The following ZCCHC7 variants were observed in gnomAD, a reference collection of about 807,000 sequenced individuals.
ZCCHC7 encodes the protein zinc finger CCHC domain-containing protein 7.
Under a neutral mutation model 52.0 loss-of-function variants are expected in ZCCHC7, and 35 were observed. The ratio of observed to expected loss-of-function variants is 0.67; its 90% CI spans 0.51 to 0.89. ZCCHC7 has a LOEUF of 0.89. Among genes scored for constraint, ZCCHC7 ranks in the 40% least tolerant of loss-of-function variants. ZCCHC7 has a pLI of 0.00. For synonymous variants in ZCCHC7, 217 were observed against 221.5 expected (o/e 0.98, Z 0.18); for missense variants, 574 against 649.1 (o/e 0.88, Z 1.26).
intron 2 of ZCCHC7, among the ~76,000 whole-genome samples, chr9:37,190,652 G>A (rs1460755392): frequency 6.6e-6 from 1 of 152,154 alleles, no homozygotes; most frequent in African/African-American, 2.4e-5. Flanking sequence ...ATGTTAAAAC[G>A]TAAGAAACAA....
chr9:37,130,334 CTTTTTTTTTT>C (rs34589957), intron 2 of ZCCHC7, among the ~76,000 whole-genome samples: 639 of 63,132 alleles, frequency 0.01, 6 homozygotes, highest in African/African-American at 0.036. Context: ...GAATTCTCTC[CTTTTTTTTTT>C]TTTTTTTTTT....
chr9:37,121,429 A>G (rs1050823103), intron 1 of ZCCHC7, among the ~76,000 whole-genome samples: 1 of 152,168 alleles, frequency 6.6e-6, no homozygotes, highest in Non-Finnish European at 1.5e-5. Context: ...GTTCAATTTG[A>G]TGACTTTTCA....
At chr9:37,327,985 T>C (rs562363775) in intron 6 of ZCCHC7, 151 bp downstream of exon 6, 833 of 802,780 alleles carry the variant, frequency 1.0e-3, no homozygotes, top group Non-Finnish European at 1.5e-3. Context: ...AATACACTTT[T>C]TCTCTTTTCC....
intron 2 of ZCCHC7, among the ~76,000 whole-genome samples, chr9:37,185,152 T>C (rs1822582216): frequency 6.6e-6 from 1 of 152,196 alleles, no homozygotes; most frequent in South Asian, 2.1e-4. Context: ...CAACAGTCTC[T>C]AGAGGTCGTG....
intron 2 of ZCCHC7, among the ~76,000 whole-genome samples, chr9:37,240,976 T>C (rs1825850125): frequency 1.3e-5 from 2 of 151,826 alleles, no homozygotes; most frequent in South Asian, 4.1e-4. Context: ...AAGTATTGAA[T>C]AAAATTTCAC....
At chr9:37,223,154 T>TA (rs147063519) in intron 2 of ZCCHC7, among the ~76,000 whole-genome samples, 21,285 of 149,508 alleles carry the variant, frequency 0.14, 1,729 homozygotes, top group Non-Finnish European at 0.17. Flanking sequence ...AGGAACAGTT[T>TA]AAAAAAAAAA....
intron 2 of ZCCHC7, among the ~76,000 whole-genome samples, chr9:37,215,407 A>G (rs1372387496): frequency 3.3e-5 from 5 of 152,216 alleles, no homozygotes; most frequent in African/African-American, 7.2e-5. Flanking sequence ...TAGAAAAGAA[A>G]TGTTGCAGAT....
intron 2 of ZCCHC7, among the ~76,000 whole-genome samples, chr9:37,278,467 TTAAAAA>T (rs1419316304): frequency 6.6e-6 from 1 of 152,024 alleles, no homozygotes; most frequent in African/African-American, 2.4e-5. Context: ...AAAGAAAACT[TTAAAAA>T]TAAATTCAAA....
At chr9:37,337,458 C>T (rs998779011) in intron 6 of ZCCHC7, among the ~76,000 whole-genome samples, 2 of 137,438 alleles carry the variant, frequency 1.5e-5, no homozygotes, top group Non-Finnish European at 3.1e-5. Context: ...CAGACACATA[C>T]GCATCCCCCT....
intron 2 of ZCCHC7, among the ~76,000 whole-genome samples, chr9:37,226,615 TG>T (rs1825118858): frequency 6.6e-6 from 1 of 152,188 alleles, no homozygotes; most frequent in Non-Finnish European, 1.5e-5. Context: ...AAATTGGTGC[TG>T]GACCAGTCTA....
chr9:37,198,367 G>C (rs1276696297), intron 2 of ZCCHC7, among the ~76,000 whole-genome samples: 1 of 152,142 alleles, frequency 6.6e-6, no homozygotes, highest in Non-Finnish European at 1.5e-5. Context: ...CAATAAAAAA[G>C]TTTTAATGGT....
intron 5 of ZCCHC7, among the ~76,000 whole-genome samples, chr9:37,309,622 G>A (rs1211118165): frequency 6.6e-6 from 1 of 151,976 alleles, no homozygotes; most frequent in African/African-American, 2.4e-5. Flanking sequence ...ATAAATTGAC[G>A]ATATTGAGAA....
chr9:37,315,703 A>G (rs889499036), intron 5 of ZCCHC7, among the ~76,000 whole-genome samples: 5 of 151,230 alleles, frequency 3.3e-5, no homozygotes, highest in African/African-American at 1.2e-4. Context: ...AGCCCATTAT[A>G]TTTTAGACAG....
intron 2 of ZCCHC7, chr9:37,145,093 C>T (rs1296467405): frequency 2.6e-5 from 4 of 151,888 alleles, no homozygotes; most frequent in Admixed American, 2.0e-4. Context: ...CTGAGAGGTT[C>T]ATTATGATTT....
chr9:37,217,500 T>C (rs1824572255), intron 2 of ZCCHC7, among the ~76,000 whole-genome samples: 1 of 152,160 alleles, frequency 6.6e-6, no homozygotes, highest in South Asian at 2.1e-4. Context: ...TGGCACCTTA[T>C]AAAGCTCCCC....
At chr9:37,222,370 TG>T in intron 2 of ZCCHC7, among the ~76,000 whole-genome samples, 1 of 150,474 alleles carries the variant, frequency 6.6e-6, no homozygotes, top group South Asian at 2.1e-4. Context: ...TGTGTGTGTG[TG>T]TGTGTGTTTT....
At chr9:37,173,682 A>T (rs1369963438) in intron 2 of ZCCHC7, among the ~76,000 whole-genome samples, 1 of 152,174 alleles carries the variant, frequency 6.6e-6, no homozygotes, top group Non-Finnish European at 1.5e-5. Flanking sequence ...TTGATCTTTT[A>T]TGTGTTCGAT....
intron 2 of ZCCHC7, among the ~76,000 whole-genome samples, chr9:37,138,686 T>A (rs1197275106): frequency 6.6e-6 from 1 of 151,448 alleles, no homozygotes; most frequent in African/African-American, 2.4e-5. Context: ...ACTCACCTTA[T>A]CTACAGGTTT....
rs182639549 is a variant in ZCCHC7 at position 37,232,658 on chromosome 9, G to C, written c.611-69530G>C. 2.0e-4 allele frequency among the ~76,000 whole-genome samples: 31 copies of C among 152,286 alleles called. No individual in the cohort carries two copies. The East Asian group carries it at 2.3e-3, about 11-fold the overall frequency. On this transcript the variant is annotated intron_variant, in intron 2 of 8. Coordinates refer to ENST00000336755, the MANE Select transcript of ZCCHC7 (RefSeq NM_032226.3). The stretch of plus-strand genomic sequence containing the variant: ...AATTCTATGAAATTCAAATTTCACT[G>C]TCTGTAAATCAAGTTTCGTTGCAAC...
Sources: gnomAD v4.1 joint callset for allele counts (sites outside exome capture counted in the v4.1 genomes callset) on GRCh38, gnomAD v4.1.1 for gene constraint, MANE v1.5 for transcripts, NCBI Gene and HGNC (gene_info 2026-07-23, HGNC 2026-07-21) for gene names.